The following ATXN1 variants were observed in gnomAD, a reference collection of about 807,000 sequenced individuals.
The protein encoded by ATXN1 is ataxin 1, also known as ataxin-1.
Under a neutral mutation model 56.4 loss-of-function variants are expected in ATXN1, and 8 were observed. The ratio of observed to expected loss-of-function variants is 0.14; its 90% CI spans 0.08 to 0.26. ATXN1 has a LOEUF of 0.26. Among genes scored for constraint, ATXN1 ranks in the 10% least tolerant of loss-of-function variants. The probability of loss-of-function intolerance (pLI) is 1.00; values close to 1 mark genes in which losing one functional copy is unlikely to be tolerated. For synonymous variants in ATXN1, 514 were observed against 494.6 expected, an observed-to-expected ratio of 1.04 and a Z score of -0.52; for missense variants, 987 against 1,106.5, an observed-to-expected ratio of 0.89 and a Z score of 1.53.
chr6:16,645,693 C>A (rs1279235264), intron 3 of ATXN1, among the ~76,000 whole-genome samples: 1 of 152,208 alleles, frequency 6.6e-6, no homozygotes, highest in Non-Finnish European at 1.5e-5. Context: ...AAATTACACT[C>A]TCTACCTTTA....
At chr6:16,559,747 T>A (rs1317611292) in intron 4 of ATXN1, among the ~76,000 whole-genome samples, 1 of 152,082 alleles carries the variant, frequency 6.6e-6, no homozygotes, top group Non-Finnish European at 1.5e-5. Flanking sequence ...ACAATATTAA[T>A]GCTTCAAAAA....
intron 6 of ATXN1, among the ~76,000 whole-genome samples, chr6:16,364,533 G>A (rs1487106757): frequency 2.6e-5 from 4 of 152,196 alleles, no homozygotes; most frequent in African/African-American, 4.8e-5. Context: ...TCGATCTCCT[G>A]ACCTCGTGAT....
chr6:16,674,950 C>A (rs1217017306), intron 2 of ATXN1, among the ~76,000 whole-genome samples: 2 of 152,170 alleles, frequency 1.3e-5, no homozygotes, highest in Non-Finnish European at 2.9e-5. Context: ...GAATTCTGCT[C>A]AGACTTTCAA....
chr6:16,441,166 C>T (rs1561897060), intron 6 of ATXN1, among the ~76,000 whole-genome samples: 1 of 152,076 alleles, frequency 6.6e-6, no homozygotes, highest in East Asian at 1.9e-4. Context: ...CTCTTGAGAC[C>T]AACAAATCTA....
chr6:16,623,008 T>C (rs1763345166), intron 3 of ATXN1, among the ~76,000 whole-genome samples: 1 of 152,256 alleles, frequency 6.6e-6, no homozygotes, highest in Non-Finnish European at 1.5e-5. Context: ...TACTGAAATG[T>C]ATCTATATTG....
rs146077654 is a variant in ATXN1, at chr6:16,416,205, A to G, written c.-161+69767T>C. ...AAAGTAATGTCTATGAATTGGAAAA[A>G]AAAAATTGGTCAATAATTTATATGG... On this transcript the variant is annotated intron_variant, in intron 6 of 7. Coordinates refer to ENST00000436367, the MANE Select transcript of ATXN1 (RefSeq NM_001128164.2). Among the ~76,000 whole-genome samples, 400 of 152,332 alleles carry G rather than the reference A, an allele frequency of 2.6e-3. 2 individuals are homozygous for G. Among genetic ancestry groups the G allele is most frequent in the Admixed American group, 6.3e-3 (96 of 15,302 alleles).
intron 2 of ATXN1, among the ~76,000 whole-genome samples, chr6:16,697,287 T>A (rs1165522136): frequency 6.6e-6 from 1 of 152,240 alleles, no homozygotes; most frequent in Non-Finnish European, 1.5e-5. Flanking sequence ...AGTAAGTTTT[T>A]GCCACCAAAC....
At chr6:16,591,520 T>G (rs2113771010) in intron 3 of ATXN1, among the ~76,000 whole-genome samples, 1 of 152,328 alleles carries the variant, frequency 6.6e-6, no homozygotes, top group South Asian at 2.1e-4. Flanking sequence ...CAAAATTCTT[T>G]GTTCATTATG....
intron 3 of ATXN1, among the ~76,000 whole-genome samples, chr6:16,626,246 G>A (rs1038608906): frequency 6.6e-6 from 1 of 152,060 alleles, no homozygotes; most frequent in Admixed American, 6.6e-5. Flanking sequence ...GTAAAGACTT[G>A]GTAACCAATA....
At chr6:16,564,832 C>A (rs920549733) in intron 4 of ATXN1, among the ~76,000 whole-genome samples, 2 of 151,308 alleles carry the variant, frequency 1.3e-5, no homozygotes, top group Non-Finnish European at 3.0e-5. Context: ...AAAAGCAATT[C>A]ATTGCACTTT....
intron 4 of ATXN1, among the ~76,000 whole-genome samples, chr6:16,543,510 G>T (rs1379583597): frequency 1.3e-5 from 2 of 150,998 alleles, no homozygotes; most frequent in Non-Finnish European, 2.9e-5. Flanking sequence ...AGAGAAAAAA[G>T]AATGATCAAT....
intron 6 of ATXN1, among the ~76,000 whole-genome samples, chr6:16,331,198 A>C (rs1760984211): frequency 6.6e-6 from 1 of 151,862 alleles, no homozygotes; most frequent in East Asian, 1.9e-4. Context: ...GCGGAGTTTC[A>C]CCATGTTGGC....
chr6:16,681,887 G>T (rs1038773196), intron 2 of ATXN1, among the ~76,000 whole-genome samples: 2 of 152,138 alleles, frequency 1.3e-5, no homozygotes, highest in Admixed American at 1.3e-4. Context: ...AAATATACAC[G>T]TGGCAGATAC....
At chr6:16,533,869 C>T (rs981118866) in intron 4 of ATXN1, among the ~76,000 whole-genome samples, 7 of 152,058 alleles carry the variant, frequency 4.6e-5, no homozygotes, top group African/African-American at 1.7e-4. Flanking sequence ...GGAAACTGTC[C>T]CTATTTGCAT....
At chr6:16,463,337 G>A (rs1760038068) in intron 6 of ATXN1, among the ~76,000 whole-genome samples, 1 of 152,124 alleles carries the variant, frequency 6.6e-6, no homozygotes, top group African/African-American at 2.4e-5. Context: ...ATTACCGCAG[G>A]AAATCAGACC....
At chr6:16,589,346 C>T (rs1329871729) in intron 3 of ATXN1, among the ~76,000 whole-genome samples, 5 of 151,740 alleles carry the variant, frequency 3.3e-5, no homozygotes, top group African/African-American at 4.8e-5. Context: ...CGTACAGCAG[C>T]GTGGCACATA....
chr6:16,389,673 A>T (rs1244805308), intron 6 of ATXN1, among the ~76,000 whole-genome samples: 1 of 152,220 alleles, frequency 6.6e-6, no homozygotes, highest in Non-Finnish European at 1.5e-5. Context: ...TTCCTTCTGG[A>T]GGAAAAGAAA....
At chr6:16,687,105 CAGG>C (rs962273650) in intron 2 of ATXN1, among the ~76,000 whole-genome samples, 1 of 152,188 alleles carries the variant, frequency 6.6e-6, no homozygotes, top group African/African-American at 2.4e-5. Context: ...TAATTACAAC[CAGG>C]AGGCCAAGCT....
intron 6 of ATXN1, among the ~76,000 whole-genome samples, chr6:16,346,945 G>A (rs1029337132): frequency 2.6e-5 from 4 of 152,248 alleles, no homozygotes; most frequent in South Asian, 2.1e-4. Flanking sequence ...CGTTCCAGGT[G>A]GCTGTGGGCT....
Sources: allele counts gnomAD v4.1 joint callset (sites outside exome capture counted in the v4.1 genomes callset), GRCh38; gene constraint gnomAD v4.1.1; transcripts MANE v1.5; gene names NCBI Gene and HGNC (gene_info 2026-07-23, HGNC 2026-07-21).